Variants in DAW1 observed in about 807,000 individuals in gnomAD.
The protein encoded by DAW1 is dynein assembly factor with WD repeats 1.
A neutral mutation model predicts 56.5 loss-of-function variants in DAW1; 47 were observed. The ratio of observed to expected loss-of-function variants is 0.83; its 90% CI spans 0.66 to 1.06. DAW1 has a LOEUF of 1.06. Ranked by LOEUF, DAW1 falls within the 50% of genes least tolerant of loss-of-function variation. DAW1 has a pLI of 0.00. For synonymous variants in DAW1, 190 were observed against 179.0 expected (o/e 1.06, Z -0.49); for missense variants, 505 against 499.3 (o/e 1.01, Z -0.11).
intron 12 of DAW1, among the ~76,000 whole-genome samples, chr2:227,923,207 G>A (rs1692149612): frequency 6.6e-6 from 1 of 152,176 alleles, no homozygotes; most frequent in Admixed American, 6.5e-5. Context: ...TGCCATCGAT[G>A]GAGCAGTCAC....
chr2:227,881,380 G>A (rs1691005375), intron 1 of DAW1, among the ~76,000 whole-genome samples: 1 of 152,218 alleles, frequency 6.6e-6, no homozygotes, highest in Non-Finnish European at 1.5e-5. Flanking sequence ...GGCCTGCTGT[G>A]CTTAAATCAT....
chr2:227,921,332 T>TG, intron 11 of DAW1, 67 bp from the exon 12 acceptor site: 2 of 196,970 alleles, frequency 1.0e-5, no homozygotes, highest in Middle Eastern at 1.9e-3. Flanking sequence ...TTTTTTTTTT[T>TG]TGCTGATAAG....
rs577433662 is a variant in DAW1, at chr2:227,893,947, T to G, written c.440+30T>G. ...GTTCATCCCTTCACTTATTTGTTTA[T>G]TAATTCATTTATTCATCCCTCCATC... On this transcript the variant is annotated intron_variant, in intron 5 of 12. Coordinates refer to ENST00000309931, the MANE Select transcript of DAW1 (RefSeq NM_178821.3). The G allele has an allele frequency of 2.0e-6, 3 of 1,521,166 alleles. No homozygotes were observed. In the South Asian group the frequency reaches 3.8e-5, roughly 19 times the overall value. 94.2% of individuals were successfully genotyped at this position (1,521,166 alleles called of 1,614,324 possible).
chr2:227,873,673 A>G (rs765175377), intron 1 of DAW1, among the ~76,000 whole-genome samples: 5 of 152,130 alleles, frequency 3.3e-5, no homozygotes, highest in Non-Finnish European at 5.9e-5. Flanking sequence ...TATCTAGATA[A>G]ATTTATTTTA....
chr2:227,891,277 C>T lies in DAW1; in HGVS notation c.281C>T (p.Pro94Leu), dbSNP rs1291650675. The T allele has an allele frequency of 6.2e-7, 1 of 1,613,078 alleles. No individual in the cohort carries two copies. The highest frequency in any genetic ancestry group is 8.5e-7 in the Non-Finnish European group (1 of 1,179,622). Reference sequence around the variant, plus strand: ...AAGGTTCTCAAAGCACATATATTGCCACTGACTAATGTTGCACTTAACAAA... The same window carrying T: ...AAGGTTCTCAAAGCACATATATTGCTACTGACTAATGTTGCACTTAACAAA... ...LFKVLKAHIL[P>L]LTNVALNKSG... Residue 94 changes from proline to leucine, a missense_variant, in exon 4 of 13, where the codon CCA (proline) becomes CTA (leucine). Coordinates refer to ENST00000309931, the MANE Select transcript of DAW1 (RefSeq NM_178821.3).
At chr2:227,883,919 CA>C (rs938481661) in intron 1 of DAW1, among the ~76,000 whole-genome samples, 11 of 151,590 alleles carry the variant, frequency 7.3e-5, no homozygotes, top group Non-Finnish European at 5.9e-5. Flanking sequence ...GGAAAAAAAC[CA>C]AAAACTCTTT....
At chr2:227,906,113 A>G in intron 8 of DAW1, 123 bp from the exon 9 acceptor site, 3 of 614,594 alleles carry the variant, frequency 4.9e-6, no homozygotes, top group South Asian at 6.4e-5. Context: ...TTGTCATCAA[A>G]TATATTATTT....
At chr2:227,872,408 C>T (rs1385179000) in intron 1 of DAW1, 1 of 151,824 alleles carries the variant, frequency 6.6e-6, no homozygotes, top group Admixed American at 6.6e-5. Flanking sequence ...GGGTAAGATA[C>T]TTTGGACCGG....
rs1559300243 is a variant in DAW1 at position 227,874,987 on chromosome 2, C to CA, written c.40+3259dup. On this transcript the variant is annotated intron_variant, in intron 1 of 12. Coordinates refer to ENST00000309931, the MANE Select transcript of DAW1 (RefSeq NM_178821.3). ...CAAAACAAACAAACAAACAAACAAA[C>CA]AGAAAAACAAAAAACAAACCATCCC... is the stretch of plus-strand genomic sequence containing the variant. Among the ~76,000 whole-genome samples the CA allele has an allele frequency of 4.6e-5, 4 of 86,820 alleles. No individual in the cohort carries two copies. In the Admixed American group the frequency reaches 5.9e-4, roughly 13 times the overall value. The allele number at this position is 86,820 out of a possible 152,430, so 57.0% of individuals were successfully genotyped here.
chr2:227,885,524 T>G, intron 2 of DAW1, 101 bp downstream of exon 2: 2 of 790,968 alleles, frequency 2.5e-6, no homozygotes, highest in Non-Finnish European at 3.8e-6. Context: ...ATACATTATG[T>G]TTTAAAAATT....
chr2:227,903,113 T>C lies in DAW1; in HGVS notation c.648+4T>C. 3 of 1,612,064 alleles carry C rather than the reference T, an allele frequency of 1.9e-6. No homozygotes were observed. Among genetic ancestry groups the C allele is most frequent in the South Asian group, 1.1e-5 (1 of 90,870 alleles). On this transcript the variant is annotated splice_donor_region_variant and intron_variant, in intron 7 of 12. Coordinates refer to ENST00000309931, the MANE Select transcript of DAW1 (RefSeq NM_178821.3). ...CGAGGAAGTTTACACCTTAAGAGTA[T>C]GTCAATAATGTTAATAAGCCTGTTA...
At chr2:227,904,696 A>G (rs1301308073) in intron 7 of DAW1, among the ~76,000 whole-genome samples, 1 of 152,118 alleles carries the variant, frequency 6.6e-6, no homozygotes. Context: ...ATTTTTAGTA[A>G]ACTCACAGTA....
At chr2:227,898,105 A>G (rs996921327) in intron 5 of DAW1, 77 bp from the exon 6 acceptor site, 2 of 906,664 alleles carry the variant, frequency 2.2e-6, no homozygotes, top group Non-Finnish European at 3.0e-6. Flanking sequence ...TTACTCATGT[A>G]TTAATATCTC....
In DAW1 at chr2:227,910,495, AAC is replaced by A. The variant is rs55741229; in HGVS notation, c.973+3272_973+3273del. ...TTCTTGATGAATATATTTGTGGATG[AAC>A]ACACACACACACACACACACACACA... On this transcript the variant is annotated intron_variant, in intron 10 of 12. Coordinates refer to ENST00000309931, the MANE Select transcript of DAW1 (RefSeq NM_178821.3). Among the ~76,000 whole-genome samples the A allele has an allele frequency of 5.8e-3, 850 of 145,326 alleles. 5 individuals carry two copies. The highest frequency in any genetic ancestry group is 0.052 in the East Asian group (254 of 4,926).
rs1054184330 is a variant in DAW1, at chr2:227,877,178, T to A, written c.40+5449T>A. ...GCATGTATTTCTGGCAGCATCTTTG[T>A]TTATTTATTTTTATTTTTGAGACAT... On this transcript the variant is annotated intron_variant, in intron 1 of 12. Coordinates refer to ENST00000309931, the MANE Select transcript of DAW1 (RefSeq NM_178821.3). Among the ~76,000 whole-genome samples, 83 of 152,304 alleles carry A rather than the reference T, an allele frequency of 5.4e-4. 1 individual carries two copies. Among genetic ancestry groups the A allele is most frequent in the African/African-American group, 2.0e-3 (83 of 41,564 alleles).
intron 10 of DAW1, chr2:227,912,585 A>T: frequency 8.4e-7 from 1 of 1,186,462 alleles, no homozygotes; most frequent in Non-Finnish European, 1.1e-6. Context: ...TGTGTTTGTC[A>T]TCTCAGTGAT....
chr2:227,921,701 T>G, intron 12 of DAW1, 140 bp downstream of exon 12: 2 of 858,864 alleles, frequency 2.3e-6, no homozygotes, highest in Non-Finnish European at 3.4e-6. Context: ...GCCCTCATAT[T>G]TTCATTATTT....
chr2:227,916,926 G>T (rs1369171637), intron 10 of DAW1, among the ~76,000 whole-genome samples: 1 of 152,150 alleles, frequency 6.6e-6, no homozygotes, highest in African/African-American at 2.4e-5. Context: ...CACTGTGTAT[G>T]TGTCAGCTCC....
At chr2:227,896,527 T>C (rs1430287775) in intron 5 of DAW1, among the ~76,000 whole-genome samples, 1 of 151,878 alleles carries the variant, frequency 6.6e-6, no homozygotes, top group Non-Finnish European at 1.5e-5. Flanking sequence ...GTGTTTCTCA[T>C]TGCACTTTGG....
Sources: allele counts gnomAD v4.1 joint callset (sites outside exome capture counted in the v4.1 genomes callset), GRCh38; gene constraint gnomAD v4.1.1; transcripts MANE v1.5; gene names NCBI Gene and HGNC (gene_info 2026-07-23, HGNC 2026-07-21).